SCN11A: variants seen among roughly 807,000 people sequenced by gnomAD.
The protein encoded by SCN11A is sodium channel protein type 11 subunit alpha.
A neutral mutation model predicts 162.2 loss-of-function variants in SCN11A; 122 were observed. That is an observed-to-expected ratio of 0.75 (90% CI 0.65 to 0.87). The LOEUF is 0.87. Among genes scored for constraint, SCN11A ranks in the 40% least tolerant of loss-of-function variants. The probability of loss-of-function intolerance (pLI) is 0.00; values close to 1 mark genes in which losing one functional copy is unlikely to be tolerated. For synonymous variants in SCN11A, 758 were observed against 751.5 expected, an observed-to-expected ratio of 1.01 and a Z score of -0.14; for missense variants, 2,015 against 2,181.6, an observed-to-expected ratio of 0.92 and a Z score of 1.52.
intron 2 of SCN11A, among the ~76,000 whole-genome samples, chr3:39,029,226 C>T (rs1252395208): frequency 6.6e-6 from 1 of 152,114 alleles, no homozygotes; most frequent in Non-Finnish European, 1.5e-5. Flanking sequence ...GATGGTTTTT[C>T]CACATCCTCT....
chr3:38,894,476 G>T, intron 19 of SCN11A, 57 bp downstream of exon 19: 1 of 1,387,744 alleles, frequency 7.2e-7, no homozygotes, highest in South Asian at 1.4e-5. Context: ...GGCTACCAGT[G>T]CCCTGTGATA....
intron 1 of SCN11A, among the ~76,000 whole-genome samples, chr3:39,042,742 G>A (rs1159347430): frequency 1.3e-5 from 2 of 152,028 alleles, no homozygotes; most frequent in African/African-American, 2.4e-5. Flanking sequence ...AGGATCACCT[G>A]AAGTCAGGAG....
chr3:39,041,988 G>C (rs1441833907), intron 1 of SCN11A, among the ~76,000 whole-genome samples: 1 of 152,100 alleles, frequency 6.6e-6, no homozygotes, highest in Non-Finnish European at 1.5e-5. Flanking sequence ...ACAAGACCCA[G>C]GCCGGCACAG....
intron 2 of SCN11A, among the ~76,000 whole-genome samples, chr3:39,007,686 C>T (rs561193212): frequency 6.6e-6 from 1 of 152,372 alleles, no homozygotes; most frequent in Admixed American, 6.5e-5. Context: ...GGGAAAGGAG[C>T]TCCTGCACGC....
intron 5 of SCN11A, among the ~76,000 whole-genome samples, chr3:38,948,273 G>A (rs116328856): frequency 6.6e-6 from 1 of 152,156 alleles, no homozygotes; most frequent in Admixed American, 6.5e-5. Context: ...TTAATAAGTG[G>A]TACAATATGG....
rs1553634884 is a variant in SCN11A at position 38,879,977 on chromosome 3, C to T, written c.3366G>A (p.Trp1122Ter). Reference protein sequence around the residue: ...FGFGKYFTSAWCCLDFIIVIV... With the variant: ...FGFGKYFTSA ...TCACAATGATGAAATCAAGGCAGCA[C>T]CAGGCACTGGTGAAATACTTTCCAA... is the stretch of plus-strand genomic sequence containing the variant. The change falls in exon 23 of 30, where the codon TGG (tryptophan) becomes TGA (stop). Residue 1122 changes from tryptophan (W) to a stop codon, truncating the protein, a stop_gained. Transcript: ENST00000302328. LOFTEE classifies it high-confidence loss of function. 6.2e-7 allele frequency: 1 copy of T among 1,613,030 alleles called. No homozygotes were observed. Among genetic ancestry groups the T allele is most frequent in the Non-Finnish European group, 8.5e-7 (1 of 1,179,450 alleles).
At chr3:38,984,439 G>T (rs1325918024) in intron 2 of SCN11A, among the ~76,000 whole-genome samples, 1 of 152,130 alleles carries the variant, frequency 6.6e-6, no homozygotes. Flanking sequence ...AGGACAAGGG[G>T]GTAGATGGTA....
chr3:38,877,083 CT>C (rs2065224564), intron 23 of SCN11A, among the ~76,000 whole-genome samples: 5 of 39,846 alleles, frequency 1.3e-4, no homozygotes, highest in African/African-American at 4.4e-4. Context: ...GGTGTATATA[CT>C]ATATATATGG....
At chr3:38,947,620 C>T (rs1441304021) in intron 5 of SCN11A, among the ~76,000 whole-genome samples, 1 of 150,644 alleles carries the variant, frequency 6.6e-6, no homozygotes, top group Non-Finnish European at 1.5e-5. Context: ...ATTATGCCCG[C>T]CCCCCCACAA....
chr3:38,969,821 CTTAAG>C (rs1217391130), intron 2 of SCN11A, among the ~76,000 whole-genome samples: 2 of 152,208 alleles, frequency 1.3e-5, no homozygotes, highest in Admixed American at 6.5e-5. Flanking sequence ...CTCACTCCAC[CTTAAG>C]TTAACTGCTT....
intron 5 of SCN11A, among the ~76,000 whole-genome samples, 165 bp from the exon 6 acceptor site, chr3:38,947,072 T>C (rs1273114839): frequency 2.0e-5 from 3 of 152,080 alleles, no homozygotes; most frequent in African/African-American, 4.8e-5. Flanking sequence ...GAATCAGAGA[T>C]GGAAAACACA....
chr3:38,969,862 G>C (rs143438963), intron 2 of SCN11A, among the ~76,000 whole-genome samples: 3 of 152,306 alleles, frequency 2.0e-5, no homozygotes, highest in South Asian at 4.1e-4. Flanking sequence ...TCTTAAGAAG[G>C]CTCAGTTCTC....
At chr3:38,873,152 T>C (rs1239723873) in intron 23 of SCN11A, among the ~76,000 whole-genome samples, 2 of 152,190 alleles carry the variant, frequency 1.3e-5, no homozygotes, top group Non-Finnish European at 2.9e-5. Context: ...GTATTGGCTT[T>C]CATATGAGGA....
At chr3:38,947,093 A>G (rs767445097) in intron 5 of SCN11A, among the ~76,000 whole-genome samples, 186 bp from the exon 6 acceptor site, 9 of 152,226 alleles carry the variant, frequency 5.9e-5, no homozygotes, top group Admixed American at 2.6e-4. Flanking sequence ...GGACCTGAAA[A>G]TACCAAAATT....
intron 2 of SCN11A, among the ~76,000 whole-genome samples, chr3:38,981,999 G>A (rs1391279460): frequency 2.0e-5 from 3 of 149,574 alleles, no homozygotes; most frequent in Non-Finnish European, 4.4e-5. Flanking sequence ...GCAACAGAGT[G>A]AGACTCTGTC....
At chr3:38,963,084 C>CTTCT (rs1317731847) in intron 2 of SCN11A, among the ~76,000 whole-genome samples, 1 of 151,134 alleles carries the variant, frequency 6.6e-6, no homozygotes, top group Non-Finnish European at 1.5e-5. Flanking sequence ...ACAGGGAATG[C>CTTCT]TTCTACACTG....
At chr3:38,870,845 T>C (rs1303230961) in intron 25 of SCN11A, 101 bp from the exon 26 acceptor site, 11 of 933,164 alleles carry the variant, frequency 1.2e-5, no homozygotes, top group Non-Finnish European at 1.9e-5. Flanking sequence ...GCTGAATATA[T>C]AAGATGATAC....
At chr3:38,945,550 G>A (rs2066504312) in intron 6 of SCN11A, 38 bp from the exon 7 acceptor site, 3 of 1,399,206 alleles carry the variant, frequency 2.1e-6, no homozygotes, top group Non-Finnish European at 2.9e-6. Flanking sequence ...GTTGCAGGAT[G>A]GCATGCATCA....
intron 3 of SCN11A, among the ~76,000 whole-genome samples, chr3:38,955,941 C>T (rs901727561): frequency 3.9e-5 from 6 of 152,148 alleles, no homozygotes; most frequent in African/African-American, 1.4e-4. Context: ...ACCTATGTAA[C>T]AAACCTGCAC....
Sources: gnomAD v4.1 joint callset for allele counts (sites outside exome capture counted in the v4.1 genomes callset) on GRCh38, gnomAD v4.1.1 for gene constraint, MANE v1.5 for transcripts, NCBI Gene and HGNC (gene_info 2026-07-23, HGNC 2026-07-21) for gene names.